TNNI3K: variants seen among roughly 807,000 people sequenced by gnomAD.
TNNI3K encodes serine/threonine-protein kinase TNNI3K.
A neutral mutation model predicts 114.5 loss-of-function variants in TNNI3K; 140 were observed. The ratio of observed to expected loss-of-function variants is 1.22; its 90% CI spans 1.07 to 1.41. TNNI3K has a LOEUF of 1.41. Ranked by LOEUF, TNNI3K falls within the 40% of genes most tolerant of loss-of-function variation. The probability of loss-of-function intolerance (pLI) is 0.00; values close to 1 mark genes in which losing one functional copy is unlikely to be tolerated. For missense variants in TNNI3K, 1,125 were observed against 1,007.6 expected, an observed-to-expected ratio of 1.12 and a Z score of -1.58; for synonymous variants, 347 against 347.5, an observed-to-expected ratio of 1.00 and a Z score of 0.02.
intron 9 of TNNI3K, among the ~76,000 whole-genome samples, chr1:74,345,501 A>G (rs978321215): frequency 1.3e-5 from 2 of 152,198 alleles, no homozygotes; most frequent in Non-Finnish European, 2.9e-5. Flanking sequence ...TTAATTGGAT[A>G]AAGAATGAAT....
chr1:74,525,752 T>G, intron 23 of TNNI3K, among the ~76,000 whole-genome samples: 1 of 151,826 alleles, frequency 6.6e-6, no homozygotes, highest in East Asian at 1.9e-4. Context: ...GCATCCACAG[T>G]CATGGTCTTG....
chr1:74,392,906 A>G (rs144215967), intron 17 of TNNI3K, among the ~76,000 whole-genome samples: 1 of 152,352 alleles, frequency 6.6e-6, no homozygotes, highest in Non-Finnish European at 1.5e-5. Flanking sequence ...CAGGAATACA[A>G]AATAACTGTT....
intron 17 of TNNI3K, among the ~76,000 whole-genome samples, chr1:74,419,046 A>G (rs1665270375): frequency 6.6e-6 from 1 of 152,068 alleles, no homozygotes; most frequent in Non-Finnish European, 1.5e-5. Context: ...TTCGTAACAA[A>G]TTATCAAAAG....
intron 2 of TNNI3K, among the ~76,000 whole-genome samples, chr1:74,236,598 T>C (rs1440125581): frequency 6.6e-6 from 1 of 151,824 alleles, no homozygotes; most frequent in Non-Finnish European, 1.5e-5. Flanking sequence ...TTGTTCTCTT[T>C]GAACTATGAC....
At chr1:74,350,292 T>C (rs1661266651) in intron 9 of TNNI3K, among the ~76,000 whole-genome samples, 1 of 152,262 alleles carries the variant, frequency 6.6e-6, no homozygotes. Flanking sequence ...TTGTGTGAGT[T>C]ACTTAATCCT....
At chr1:74,275,588 A>C (rs779230779) in intron 5 of TNNI3K, among the ~76,000 whole-genome samples, 4 of 152,060 alleles carry the variant, frequency 2.6e-5, no homozygotes, top group Non-Finnish European at 4.4e-5. Flanking sequence ...GAATGATGAG[A>C]ACTAGACAGC....
At chr1:74,530,739 T>C (rs202078069) in intron 23 of TNNI3K, among the ~76,000 whole-genome samples, 1 of 142,310 alleles carries the variant, frequency 7.0e-6, no homozygotes, top group South Asian at 2.2e-4. Flanking sequence ...TTTTTTTTTT[T>C]CCTGGATGAT....
chr1:74,514,898 C>A (rs1202165053), intron 23 of TNNI3K, among the ~76,000 whole-genome samples: 1 of 152,062 alleles, frequency 6.6e-6, no homozygotes, highest in Non-Finnish European at 1.5e-5. Flanking sequence ...GGAGTTTATA[C>A]TGGAGTAGGG....
intron 21 of TNNI3K, chr1:74,475,431 A>G (rs1472128022): frequency 7.0e-6 from 5 of 717,056 alleles, no homozygotes; most frequent in Admixed American, 6.0e-5. Context: ...TATTTCCAGG[A>G]GGCTCTGAAC....
In TNNI3K at chr1:74,487,498, G is replaced by T. The variant is rs186895342; in HGVS notation, c.2122-1691G>T. On this transcript the variant is annotated intron_variant, in intron 21 of 24. Coordinates refer to ENST00000326637, the MANE Select transcript of TNNI3K (RefSeq NM_015978.3). ...GGTCAAGATTTTGAAGTGAGACCAG[G>T]CAGAATGGATTCAATAAAGTTTAGG... 2.6e-5 allele frequency among the ~76,000 whole-genome samples: 4 copies of T among 152,286 alleles called. No homozygotes were observed. In the East Asian group the frequency reaches 7.7e-4, roughly 29 times the overall value.
intron 9 of TNNI3K, among the ~76,000 whole-genome samples, chr1:74,344,548 T>G (rs1329092205): frequency 1.3e-5 from 2 of 152,180 alleles, no homozygotes; most frequent in Non-Finnish European, 2.9e-5. Flanking sequence ...AATGGATCAG[T>G]GGAATCTGTC....
chr1:74,252,931 T>C lies in TNNI3K; in HGVS notation c.333+2162T>C, dbSNP rs1655031583. 2.0e-5 allele frequency among the ~76,000 whole-genome samples: 3 copies of C among 152,220 alleles called. No individual in the cohort carries two copies. In the South Asian group the frequency reaches 6.2e-4, roughly 32 times the overall value. On this transcript the variant is annotated intron_variant, in intron 4 of 24. Coordinates refer to ENST00000326637, the MANE Select transcript of TNNI3K (RefSeq NM_015978.3). ...TGCTTGTTCAGGCAGCCTGCTTTTA[T>C]TCTCTTATCTGGCCCCCACCCACAT...
At chr1:74,437,754 T>C (rs1344172109) in intron 19 of TNNI3K, among the ~76,000 whole-genome samples, 1 of 151,880 alleles carries the variant, frequency 6.6e-6, no homozygotes, top group Non-Finnish European at 1.5e-5. Context: ...GCAACTAAAT[T>C]AGTGGTCCTC....
intron 23 of TNNI3K, among the ~76,000 whole-genome samples, chr1:74,530,649 G>A (rs954845854): frequency 2.6e-5 from 4 of 151,968 alleles, no homozygotes; most frequent in Non-Finnish European, 5.9e-5. Flanking sequence ...TTCCTTCTTG[G>A]TAAGATGGTA....
At position 74,369,609 on chromosome 1, in the gene TNNI3K, A is replaced by T. The variant is rs763799663; in HGVS notation, c.1667+24A>T. The T allele has an allele frequency of 1.9e-6, 3 of 1,554,370 alleles. No individual in the cohort carries two copies. In the Admixed American group the frequency reaches 6.0e-5, roughly 31 times the overall value. ...AGGTATGGGTCTTTTGTTCTGATTT[A>T]TCCTTGGACATTCCGTAGAAACTAC... On this transcript the variant is annotated intron_variant, in intron 16 of 24. Transcript: ENST00000326637.
chr1:74,514,484 T>G (rs1394570708), intron 23 of TNNI3K, among the ~76,000 whole-genome samples: 1 of 152,186 alleles, frequency 6.6e-6, no homozygotes, highest in East Asian at 1.9e-4. Flanking sequence ...ATTATTCACT[T>G]AAGAAGAAAA....
chr1:74,526,829 T>C (rs553184850), intron 23 of TNNI3K, among the ~76,000 whole-genome samples: 34 of 152,132 alleles, frequency 2.2e-4, no homozygotes, highest in Non-Finnish European at 4.4e-4. Flanking sequence ...AAAGAAGAGA[T>C]TGGTAAACTA....
intron 23 of TNNI3K, among the ~76,000 whole-genome samples, chr1:74,528,492 T>C (rs969407973): frequency 5.3e-5 from 8 of 152,060 alleles, no homozygotes; most frequent in African/African-American, 1.9e-4. Context: ...GTGTGTGTGT[T>C]GGAGTGGGGA....
chr1:74,334,341 A>T (rs886150185), intron 6 of TNNI3K, among the ~76,000 whole-genome samples: 4 of 152,150 alleles, frequency 2.6e-5, no homozygotes, highest in Admixed American at 6.5e-5. Context: ...TATACTCAAG[A>T]CATGGTTATT....
Sources: allele counts gnomAD v4.1 joint callset (sites outside exome capture counted in the v4.1 genomes callset), GRCh38; gene constraint gnomAD v4.1.1; transcripts MANE v1.5; gene names NCBI Gene and HGNC (gene_info 2026-07-23, HGNC 2026-07-21).